STXBP4: variants seen among roughly 807,000 people sequenced by gnomAD.
STXBP4 encodes syntaxin binding protein 4.
In STXBP4, 55 loss-of-function variants were observed where a neutral mutation model predicts 76.1. That is an observed-to-expected ratio of 0.72 (90% confidence interval 0.58 to 0.91). STXBP4 has a LOEUF of 0.91. Among genes scored for constraint, STXBP4 ranks in the 40% least tolerant of loss-of-function variants. The probability of loss-of-function intolerance (pLI) is 0.00; values close to 1 mark genes in which losing one functional copy is unlikely to be tolerated. For synonymous variants in STXBP4, 201 were observed against 220.2 expected, an observed-to-expected ratio of 0.91 and a Z score of 0.77; for missense variants, 618 against 636.9, an observed-to-expected ratio of 0.97 and a Z score of 0.32.
At chr17:54,995,431 A>G (rs1267138029) in intron 4 of STXBP4, among the ~76,000 whole-genome samples, 1 of 152,218 alleles carries the variant, frequency 6.6e-6, no homozygotes, top group African/African-American at 2.4e-5. Flanking sequence ...TATTTTCTTC[A>G]GTTGGTTCTA....
chr17:55,137,288 C>G (rs1257261872), intron 16 of STXBP4, among the ~76,000 whole-genome samples: 1 of 146,822 alleles, frequency 6.8e-6, no homozygotes, highest in African/African-American at 2.5e-5. Context: ...TCCCTCCCTC[C>G]CTCCCTCCCT....
intron 8 of STXBP4, among the ~76,000 whole-genome samples, chr17:55,009,774 C>T (rs1003008271): frequency 6.6e-6 from 1 of 151,778 alleles, no homozygotes; most frequent in African/African-American, 2.4e-5. Context: ...TAACTTTTTT[C>T]GTGAAATCTA....
chr17:55,012,808 A>T (rs2078138098), intron 8 of STXBP4, among the ~76,000 whole-genome samples: 1 of 152,162 alleles, frequency 6.6e-6, no homozygotes, highest in African/African-American at 2.4e-5. Flanking sequence ...TTCCATCAGT[A>T]TACAAGTTGA....
At position 55,018,094 on chromosome 17, in the gene STXBP4, C is replaced by T. The variant is rs530764479; in HGVS notation, c.666+10497C>T. Among the ~76,000 whole-genome samples the T allele has an allele frequency of 3.3e-5, 5 of 152,168 alleles. No individual in the cohort carries two copies. In the South Asian group the frequency reaches 1.0e-3, roughly 32 times the overall value. On this transcript the variant is annotated intron_variant, in intron 8 of 17. Coordinates refer to ENST00000376352, the MANE Select transcript of STXBP4 (RefSeq NM_178509.6). The stretch of plus-strand genomic sequence containing the variant: ...TGTTCTCTGACCTTGGGTTCTTGGC[C>T]TCATGGATTCCAAGGAATGGAATCT...
chr17:55,125,588 G>C (rs2079901983), intron 16 of STXBP4, among the ~76,000 whole-genome samples: 1 of 151,408 alleles, frequency 6.6e-6, no homozygotes, highest in South Asian at 2.1e-4. Flanking sequence ...CATAGGATAA[G>C]TTTCCTGTTT....
At chr17:55,181,365 A>G in the STXBP4 span, among the ~76,000 whole-genome samples, 1 of 152,246 alleles carries the variant, frequency 6.6e-6, no homozygotes, top group African/African-American at 2.4e-5. Flanking sequence ...AGAGTCACCT[A>G]TGATACAATG....
At chr17:55,176,221 G>C (rs1049368820), downstream of STXBP4, among the ~76,000 whole-genome samples, 1 of 152,196 alleles carries the variant, frequency 6.6e-6, no homozygotes, top group African/African-American at 2.4e-5. Flanking sequence ...CTCAGCACAG[G>C]GGAGGAAGTA....
At chr17:55,064,044 C>T (rs980398675) in intron 12 of STXBP4, among the ~76,000 whole-genome samples, 6 of 152,178 alleles carry the variant, frequency 3.9e-5, no homozygotes, top group Non-Finnish European at 8.8e-5. Context: ...CTGTCCCTTA[C>T]TTCAGTATGG....
intron 7 of STXBP4, 103 bp downstream of exon 7, chr17:55,000,986 C>A (rs1555565275): frequency 1.3e-6 from 1 of 764,138 alleles, no homozygotes; most frequent in African/African-American, 1.8e-5. Context: ...TGAATTATGT[C>A]TTTGTTCCTT....
intron 7 of STXBP4, among the ~76,000 whole-genome samples, chr17:55,004,796 G>C (rs1192777725): frequency 6.6e-6 from 1 of 151,770 alleles, no homozygotes; most frequent in Non-Finnish European, 1.5e-5. Context: ...GAAAAGAAGT[G>C]GGGAGAAGGA....
intron 6 of STXBP4, among the ~76,000 whole-genome samples, 185 bp downstream of exon 6, chr17:55,000,027 C>T (rs2077881993): frequency 6.6e-6 from 1 of 152,084 alleles, no homozygotes; most frequent in African/African-American, 2.4e-5. Flanking sequence ...TTTAAGTCAG[C>T]ATGTCCTGTG....
In STXBP4 at chr17:55,161,673, C is replaced by G. The variant is rs1437383029; in HGVS notation, c.*1762C>G. 2 of 152,138 alleles carry G rather than the reference C, an allele frequency of 1.3e-5. No homozygotes were observed. Among genetic ancestry groups the G allele is most frequent in the Non-Finnish European group, 2.9e-5 (2 of 68,028 alleles). 9.4% of individuals were successfully genotyped at this position (152,138 alleles called of 1,614,324 possible). On this transcript the variant is annotated 3_prime_UTR_variant, in exon 18 of 18. Coordinates refer to ENST00000376352, the MANE Select transcript of STXBP4 (RefSeq NM_178509.6). ...TTGCCGCCCTGTTTCTGTCAAATACCTAGTGAAAAAGGCCTAAACAATTGT... is the reference window on the plus strand; with the variant it reads ...TTGCCGCCCTGTTTCTGTCAAATACGTAGTGAAAAAGGCCTAAACAATTGT...
Position 55,024,793 on chromosome 17 carries a change from A to G in STXBP4, c.667-6375A>G, listed in dbSNP as rs567264637. On this transcript the variant is annotated intron_variant, in intron 8 of 17. Coordinates refer to ENST00000376352, the MANE Select transcript of STXBP4 (RefSeq NM_178509.6). The stretch of plus-strand genomic sequence containing the variant: ...GAATACTATATGGTAAGGAAAATGA[A>G]GGAACAAGAGCCTCCTGCATCAGCC... Among the ~76,000 whole-genome samples, 3 of 152,314 alleles carry G rather than the reference A, an allele frequency of 2.0e-5. No individual in the cohort carries two copies. In the South Asian group the frequency reaches 6.2e-4, roughly 32 times the overall value.
At chr17:55,209,646 T>C in the STXBP4 span, among the ~76,000 whole-genome samples, 43 of 152,328 alleles carry the variant, frequency 2.8e-4, no homozygotes, top group East Asian at 3.3e-3. Context: ...GTCCACCTGT[T>C]CTGGATAAGG....
chr17:55,094,145 T>C (rs1782353382), intron 16 of STXBP4, among the ~76,000 whole-genome samples: 1 of 145,634 alleles, frequency 6.9e-6, no homozygotes, highest in Non-Finnish European at 1.5e-5. Flanking sequence ...AGGAACAAAC[T>C]TGACATACTT....
chr17:54,984,215 A>G (rs560453375), intron 1 of STXBP4, among the ~76,000 whole-genome samples: 5 of 152,180 alleles, frequency 3.3e-5, no homozygotes, highest in African/African-American at 1.2e-4. Context: ...TCTTCTGCAT[A>G]CAGTGGTTGA....
chr17:55,128,713 T>A (rs2079939822), intron 16 of STXBP4, among the ~76,000 whole-genome samples: 1 of 152,028 alleles, frequency 6.6e-6, no homozygotes, highest in Non-Finnish European at 1.5e-5. Context: ...CCACCTGCTG[T>A]CAAGCGATTC....
At chr17:55,060,278 T>G (rs1307378222) in intron 12 of STXBP4, among the ~76,000 whole-genome samples, 1 of 152,190 alleles carries the variant, frequency 6.6e-6, no homozygotes, top group East Asian at 1.9e-4. Context: ...GACCTATTGT[T>G]AATGAAAGAG....
intron 13 of STXBP4, among the ~76,000 whole-genome samples, chr17:55,075,800 C>A (rs1277051337): frequency 6.6e-6 from 1 of 152,152 alleles, no homozygotes; most frequent in Non-Finnish European, 1.5e-5. Context: ...CCAACTGACA[C>A]TAGCTCATGA....
Sources: gnomAD v4.1 joint callset for allele counts (sites outside exome capture counted in the v4.1 genomes callset) on GRCh38, gnomAD v4.1.1 for gene constraint, MANE v1.5 for transcripts, NCBI Gene and HGNC (gene_info 2026-07-23, HGNC 2026-07-21) for gene names.